The following SYN3 variants were observed in gnomAD, a reference collection of about 807,000 sequenced individuals.
SYN3 encodes the protein synapsin-3.
SYN3 carries 35 observed loss-of-function variants against 65.8 expected under a neutral mutation model. That is an observed-to-expected ratio of 0.53 (90% CI 0.41 to 0.70). The LOEUF (loss-of-function observed/expected upper bound fraction) is 0.70. Among genes scored for constraint, SYN3 ranks in the 30% least tolerant of loss-of-function variants. The probability of loss-of-function intolerance (pLI) is 0.00; values close to 1 mark genes in which losing one functional copy is unlikely to be tolerated. For missense variants in SYN3, 680 were observed against 749.0 expected (o/e 0.91, Z 1.08); for synonymous variants, 270 against 292.9 (o/e 0.92, Z 0.80).
intron 4 of SYN3, among the ~76,000 whole-genome samples, chr22:32,910,307 G>A (rs1251301120): frequency 2.6e-5 from 4 of 152,154 alleles, no homozygotes; most frequent in African/African-American, 7.2e-5. Flanking sequence ...TTAAAGAGAT[G>A]GGGGTGGGGA....
rs184424255 is a variant in SYN3 at position 32,523,813 on chromosome 22, C to A, written c.1318+4105G>T. Among the ~76,000 whole-genome samples the A allele has an allele frequency of 1.2e-4, 18 of 152,290 alleles. No individual in the cohort carries two copies. In the East Asian group the frequency reaches 3.5e-3, roughly 29 times the overall value. On this transcript the variant is annotated intron_variant, in intron 12 of 13. Transcript: ENST00000358763. ...GACAAGCTGAAAATTAGGCCTCTTG[C>A]ACCAGAAAGTTAGCTAAGTTGTGAA... is the stretch of plus-strand genomic sequence containing the variant.
chr22:32,993,355 G>GTTTGT (rs1397048400), intron 2 of SYN3, among the ~76,000 whole-genome samples: 1 of 152,078 alleles, frequency 6.6e-6, no homozygotes, highest in Admixed American at 6.6e-5. Context: ...TCTTTTGTTT[G>GTTTGT]TTTGTTTTGT....
At chr22:32,536,383 T>A (rs12165523) in intron 9 of SYN3, among the ~76,000 whole-genome samples, 2,431 of 152,308 alleles carry the variant, frequency 0.016, 43 homozygotes, top group African/African-American at 0.055. Flanking sequence ...CTGGATTAGG[T>A]GCAGCCCTCT....
intron 4 of SYN3, among the ~76,000 whole-genome samples, chr22:32,872,670 T>C (rs1381925891): frequency 1.3e-5 from 2 of 152,166 alleles, no homozygotes; most frequent in African/African-American, 2.4e-5. Context: ...GCAATGACTA[T>C]AGAGAAATTA....
chr22:32,865,405 C>A (rs2048663650), intron 5 of SYN3, among the ~76,000 whole-genome samples: 1 of 152,160 alleles, frequency 6.6e-6, no homozygotes, highest in Non-Finnish European at 1.5e-5. Flanking sequence ...GTGGATCCAG[C>A]CTTCCTGGGT....
chr22:32,723,136 T>C (rs916529965), intron 6 of SYN3, among the ~76,000 whole-genome samples: 2 of 152,148 alleles, frequency 1.3e-5, no homozygotes, highest in African/African-American at 4.8e-5. Context: ...CCCTGCTCAA[T>C]AGTAAGCCAT....
intron 6 of SYN3, among the ~76,000 whole-genome samples, chr22:32,778,467 T>C (rs1442140804): frequency 1.3e-5 from 2 of 151,928 alleles, no homozygotes; most frequent in Admixed American, 6.6e-5. Context: ...TTTTGTATTT[T>C]TTTTTTAGTA....
At chr22:32,539,249 T>C (rs2058214364) in intron 8 of SYN3, among the ~76,000 whole-genome samples, 1 of 151,908 alleles carries the variant, frequency 6.6e-6, no homozygotes, top group South Asian at 2.1e-4. Flanking sequence ...GTTGGCAAGG[T>C]TGTTTCCCAT....
intron 6 of SYN3, among the ~76,000 whole-genome samples, chr22:32,692,155 C>CAAAAAAAAAAAAAAAAAAAAA (rs1188224009): frequency 1.6e-3 from 54 of 34,474 alleles, no homozygotes; most frequent in East Asian, 8.7e-3. Context: ...GACAAAAAGA[C>CAAAAAAAAAAAAAAAAAAAAA]AAAAAAAAAA....
chr22:32,868,556 T>A (rs1348509769), intron 5 of SYN3, among the ~76,000 whole-genome samples: 1 of 151,902 alleles, frequency 6.6e-6, no homozygotes, highest in African/African-American at 2.4e-5. Context: ...TTCTCCTGCC[T>A]CAGCCTCCCG....
In SYN3 at chr22:32,980,653, C is replaced by T. The variant is rs199817240; in HGVS notation, c.361G>A (p.Val121Met). Residue 121 changes from valine (V) to methionine (M), a missense_variant, in exon 3 of 14, where the codon GTG becomes ATG. Coordinates refer to ENST00000358763, the MANE Select transcript of SYN3 (RefSeq NM_003490.4). ...KKVNGEIEIR[V>M]EQAEFSELNL... ...ACACAGCTCCCACCTACCTGCTCCA[C>T]TCGGATCTCAATCTCTCCATTCACC... 145 of 1,613,952 alleles carry T rather than the reference C, an allele frequency of 9.0e-5. No individual in the cohort carries two copies. The highest frequency in any genetic ancestry group is 1.1e-4 in the Non-Finnish European group (134 of 1,179,958).
chr22:32,518,326 G>C lies in SYN3; in HGVS notation c.1327C>G (p.Arg443Gly), dbSNP rs752060058. 1 of 1,608,784 alleles carries C rather than the reference G, an allele frequency of 6.2e-7. No homozygotes were observed. The highest frequency in any genetic ancestry group is 8.5e-7 in the Non-Finnish European group (1 of 1,177,534). Residue 443 changes from arginine to glycine, a missense_variant, in exon 13 of 14, where the codon CGC becomes GGC. Coordinates refer to ENST00000358763, the MANE Select transcript of SYN3 (RefSeq NM_003490.4). ...TGGGGCTGAGGAGACTGAGCTTGGC[G>C]AGGGCCTCCTAAGGGGCCAGAAAAA... ...QPRPPPQGGP[R>G]QAQSPQPQRS...
chr22:32,641,279 C>T lies in SYN3; in HGVS notation c.712-44543G>A, dbSNP rs190378734. 6.6e-5 allele frequency among the ~76,000 whole-genome samples: 10 copies of T among 152,208 alleles called. No homozygotes were observed. In the East Asian group the frequency reaches 1.7e-3, roughly 27 times the overall value. ...GGAGTTCAAGGCTCTGCAACTCGTA[C>T]GTGCTTCAGAATCCCTGGGAAGCTA... On this transcript the variant is annotated intron_variant, in intron 6 of 13. Coordinates refer to ENST00000358763, the MANE Select transcript of SYN3 (RefSeq NM_003490.4).
At chr22:32,563,858 AGGGTTTCTC>A in intron 7 of SYN3, among the ~76,000 whole-genome samples, 1 of 152,182 alleles carries the variant, frequency 6.6e-6, no homozygotes, top group Middle Eastern at 3.4e-3. Flanking sequence ...TAGTAGAGAC[AGGGTTTCTC>A]CATGTTGGTC....
intron 6 of SYN3, among the ~76,000 whole-genome samples, chr22:32,628,729 C>G (rs1327338166): frequency 6.6e-6 from 1 of 150,876 alleles, no homozygotes; most frequent in African/African-American, 2.4e-5. Context: ...GCCTGGGGCA[C>G]AAGAGCGAGA....
intron 3 of SYN3, among the ~76,000 whole-genome samples, chr22:32,935,532 C>G (rs2050751571): frequency 6.6e-6 from 1 of 151,276 alleles, no homozygotes; most frequent in Non-Finnish European, 1.5e-5. Flanking sequence ...CTCACTGCCA[C>G]CTCCACCTCC....
At chr22:32,548,576 G>C (rs1378781407) in intron 7 of SYN3, among the ~76,000 whole-genome samples, 1 of 151,800 alleles carries the variant, frequency 6.6e-6, no homozygotes, top group Non-Finnish European at 1.5e-5. Context: ...GTTTCACCAT[G>C]TTAGCCAGGA....
At chr22:33,004,023 C>T (rs953430216) in intron 2 of SYN3, among the ~76,000 whole-genome samples, 2 of 152,260 alleles carry the variant, frequency 1.3e-5, no homozygotes, top group Non-Finnish European at 2.9e-5. Context: ...GCACCTTCCA[C>T]ATGGTGCTGG....
rs141110972 is a variant in SYN3 at position 32,960,732 on chromosome 22, C to G, written c.369+19913G>C. On this transcript the variant is annotated intron_variant, in intron 3 of 13. Transcript: ENST00000358763. ...TGCCGGGTACAAAGCCTGGGACACA[C>G]TGACCAGTGTGGATCATGTCACAAA... Among the ~76,000 whole-genome samples, 420 of 152,324 alleles carry G rather than the reference C, an allele frequency of 2.8e-3. 3 individuals are homozygous for G. Among genetic ancestry groups the G allele is most frequent in the African/African-American group, 9.8e-3 (409 of 41,584 alleles).
Sources: gnomAD v4.1 joint callset for allele counts (sites outside exome capture counted in the v4.1 genomes callset) on GRCh38, gnomAD v4.1.1 for gene constraint, MANE v1.5 for transcripts, NCBI Gene and HGNC (gene_info 2026-07-23, HGNC 2026-07-21) for gene names.